The following WDR37 variants were observed in gnomAD, a reference collection of about 807,000 sequenced individuals.
The protein encoded by WDR37 is WD repeat domain 37.
A neutral mutation model predicts 62.9 loss-of-function variants in WDR37; 19 were observed. That is an observed-to-expected ratio of 0.30 (90% CI 0.21 to 0.44). WDR37 has a LOEUF of 0.44. Among genes scored for constraint, WDR37 ranks in the 20% least tolerant of loss-of-function variants. WDR37 has a pLI of 1.00. For synonymous variants in WDR37, 250 were observed against 260.9 expected, an observed-to-expected ratio of 0.96 and a Z score of 0.40; for missense variants, 474 against 657.6, an observed-to-expected ratio of 0.72 and a Z score of 3.05.
At chr10:1,085,113 C>T (rs913663589) in intron 6 of WDR37, among the ~76,000 whole-genome samples, 9 of 151,956 alleles carry the variant, frequency 5.9e-5, no homozygotes, top group African/African-American at 1.7e-4. Flanking sequence ...TACAGGCGCC[C>T]GCCACCACGC....
At chr10:1,126,230 C>T (rs545264800) in intron 13 of WDR37, among the ~76,000 whole-genome samples, 2 of 152,084 alleles carry the variant, frequency 1.3e-5, no homozygotes, top group East Asian at 3.9e-4. Flanking sequence ...ACGGTGAAAC[C>T]CTGTCTCTAA....
intron 9 of WDR37, among the ~76,000 whole-genome samples, chr10:1,097,630 G>A (rs924212322): frequency 6.6e-6 from 1 of 152,188 alleles, no homozygotes; most frequent in Admixed American, 6.5e-5. Flanking sequence ...GTGCTGTGGG[G>A]GTGGGGTTGC....
intron 1 of WDR37, among the ~76,000 whole-genome samples, chr10:1,057,802 A>G (rs1833239666): frequency 6.6e-6 from 1 of 152,260 alleles, no homozygotes; most frequent in Non-Finnish European, 1.5e-5. Context: ...ACCATTATAG[A>G]AAAGTGTTAA....
chr10:1,078,077 C>A, intron 3 of WDR37, 74 bp downstream of exon 3: 3 of 1,167,376 alleles, frequency 2.6e-6, no homozygotes, highest in Non-Finnish European at 3.7e-6. Flanking sequence ...AGACATTCAT[C>A]ACTATATTAG....
chr10:1,074,392 G>C, intron 2 of WDR37: 1 of 1,296,844 alleles, frequency 7.7e-7, no homozygotes, highest in Non-Finnish European at 1.0e-6. Flanking sequence ...AGGTCTCCAA[G>C]CCGCACGGCC....
chr10:1,109,329 C>T (rs1017120306), intron 11 of WDR37, among the ~76,000 whole-genome samples: 2 of 152,182 alleles, frequency 1.3e-5, no homozygotes, highest in African/African-American at 4.8e-5. Flanking sequence ...ATTTATATCA[C>T]CAGAGTTGAT....
At chr10:1,107,861 C>G (rs1484332962) in intron 11 of WDR37, among the ~76,000 whole-genome samples, 1 of 152,024 alleles carries the variant, frequency 6.6e-6, no homozygotes, top group Non-Finnish European at 1.5e-5. Context: ...CGCCCACTTC[C>G]CCTTCACCTA....
chr10:1,105,273 T>C lies in WDR37; in HGVS notation c.1103+6T>C. ...GTTTTCCAGGGACACACGGAGTGAG[T>C]TGCGGTAGTTTAGACATCTGTCCTT... is the stretch of plus-strand genomic sequence containing the variant. On this transcript the variant is annotated splice_donor_region_variant and intron_variant, in intron 11 of 13. Transcript: ENST00000263150. The surrounding 1 kb of genome is among the most constrained non-coding windows in gnomAD (Gnocchi z 5.3). The C allele has an allele frequency of 6.2e-7, 1 of 1,613,138 alleles. No homozygotes were observed. The highest frequency in any genetic ancestry group is 1.1e-5 in the South Asian group (1 of 90,772).
chr10:1,098,333 T>G lies in WDR37; in HGVS notation c.726+2087T>G, dbSNP rs550192795. Among the ~76,000 whole-genome samples, 6 of 149,106 alleles carry G rather than the reference T, an allele frequency of 4.0e-5. No homozygotes were observed. In the South Asian group the frequency reaches 1.3e-3, roughly 32 times the overall value. On this transcript the variant is annotated intron_variant, in intron 9 of 13. Transcript: ENST00000263150. ...CCCCCTCCCCATCTGTCCGTTTTTT[T>G]TTTTTTTTTTTTGAGATGGAGTCTC...
intron 11 of WDR37, among the ~76,000 whole-genome samples, chr10:1,119,041 A>C (rs190854493): frequency 1.0e-3 from 157 of 152,368 alleles, no homozygotes; most frequent in Admixed American, 3.1e-3. Context: ...CATTCCTATG[A>C]AGAAAAAACA....
At chr10:1,070,662 C>T (rs546690719) in intron 1 of WDR37, among the ~76,000 whole-genome samples, 1 of 152,000 alleles carries the variant, frequency 6.6e-6, no homozygotes, top group Non-Finnish European at 1.5e-5. Flanking sequence ...GCTTAATAAA[C>T]TGAATAGGAA....
intron 1 of WDR37, among the ~76,000 whole-genome samples, chr10:1,069,387 ATATTT>A (rs1434697759): frequency 1.6e-4 from 5 of 30,442 alleles, no homozygotes; most frequent in African/African-American, 7.9e-4. Flanking sequence ...ATATATATAT[ATATTT>A]TTTTTTTTTT....
chr10:1,116,049 A>T (rs960032206), intron 11 of WDR37, among the ~76,000 whole-genome samples: 6 of 152,148 alleles, frequency 3.9e-5, no homozygotes, highest in African/African-American at 1.4e-4. Context: ...CAGTTTTGCT[A>T]CCTTGATGTA....
chr10:1,071,029 G>A (rs1335930167), intron 1 of WDR37, among the ~76,000 whole-genome samples: 3 of 152,228 alleles, frequency 2.0e-5, no homozygotes, highest in Admixed American at 6.5e-5. Context: ...GGCTATTGCT[G>A]TTGCGTAAGT....
At chr10:1,102,050 T>TAGTAATGTATATG (rs1834828581) in intron 9 of WDR37, among the ~76,000 whole-genome samples, 2 of 139,606 alleles carry the variant, frequency 1.4e-5, no homozygotes, top group African/African-American at 2.7e-5. Flanking sequence ...GTGCGTTCCC[T>TAGTAATGTATATG]TGCTGCTGTG....
chr10:1,065,711 C>T (rs1185738653), intron 1 of WDR37, among the ~76,000 whole-genome samples: 2 of 152,192 alleles, frequency 1.3e-5, no homozygotes, highest in African/African-American at 4.8e-5. Context: ...ACAAAAAAAT[C>T]TATAGCTGGC....
chr10:1,082,758 TG>T (rs1834068675), intron 5 of WDR37, among the ~76,000 whole-genome samples: 2 of 150,564 alleles, frequency 1.3e-5, no homozygotes, highest in African/African-American at 4.9e-5. Flanking sequence ...CATGATCCCC[TG>T]CACAGCTCCA....
At chr10:1,126,373 T>A (rs556047778) in intron 13 of WDR37, among the ~76,000 whole-genome samples, 1 of 145,654 alleles carries the variant, frequency 6.9e-6, no homozygotes, top group South Asian at 2.2e-4. Context: ...GCCACTGCAC[T>A]CCAGCCTGGG....
chr10:1,066,209 G>C (rs11815047), intron 1 of WDR37, among the ~76,000 whole-genome samples: 22,786 of 152,036 alleles, frequency 0.15, 1,739 homozygotes, highest in African/African-American at 0.18. Flanking sequence ...TCCGCCTCCC[G>C]GGTTGATGCC....
Sources: allele counts gnomAD v4.1 joint callset (sites outside exome capture counted in the v4.1 genomes callset), GRCh38; gene constraint gnomAD v4.1.1; non-coding constraint Gnocchi (gnomAD v3.1); transcripts MANE v1.5; gene names NCBI Gene and HGNC (gene_info 2026-07-23, HGNC 2026-07-21).